The following ANO3 variants were observed in gnomAD, a reference collection of about 807,000 sequenced individuals.
The protein encoded by ANO3 is anoctamin 3, also known as anoctamin-3.
In ANO3, 99 loss-of-function variants were observed where a neutral mutation model predicts 144.8. The ratio of observed to expected loss-of-function variants is 0.68; its 90% CI spans 0.58 to 0.81. The LOEUF (loss-of-function observed/expected upper bound fraction) is 0.81. ANO3 is among the 30% of genes least tolerant of loss of function. The pLI is 0.00. For synonymous variants in ANO3, 414 were observed against 392.6 expected (o/e 1.05, Z -0.64); for missense variants, 905 against 1,202.2 (o/e 0.75, Z 3.66).
At chr11:26,570,704 A>G (rs1286930365) in intron 14 of ANO3, among the ~76,000 whole-genome samples, 1 of 152,122 alleles carries the variant, frequency 6.6e-6, no homozygotes, top group African/African-American at 2.4e-5. Flanking sequence ...ACAAATTAAG[A>G]CAGATGGGTT....
intron 1 of ANO3, among the ~76,000 whole-genome samples, chr11:26,244,116 G>GAAAAAAAAAAAAAAAAAAAAGA (rs755726181): frequency 1.1e-5 from 1 of 94,688 alleles, no homozygotes; most frequent in Non-Finnish European, 2.2e-5. Context: ...GACTCTGTCT[G>GAAAAAAAAAAAAAAAAAAAAGA]AAAAAAAAAA....
At chr11:26,330,374 T>C (rs2133886709), upstream of ANO3, among the ~76,000 whole-genome samples, 1 of 152,352 alleles carries the variant, frequency 6.6e-6, no homozygotes, top group South Asian at 2.1e-4. Flanking sequence ...AGACAGTCTC[T>C]GAACTGTGTT....
intron 18 of ANO3, among the ~76,000 whole-genome samples, chr11:26,628,189 G>T (rs1179548714): frequency 6.6e-6 from 1 of 151,894 alleles, no homozygotes; most frequent in Non-Finnish European, 1.5e-5. Context: ...CTATGTTAAA[G>T]ATAAATTGGG....
chr11:26,388,307 T>C (rs1856788075), intron 1 of ANO3, among the ~76,000 whole-genome samples: 1 of 151,928 alleles, frequency 6.6e-6, no homozygotes, highest in African/African-American at 2.4e-5. Context: ...AAAAGAAATA[T>C]TTTATATTTA....
chr11:26,526,855 T>C (rs61876953), intron 7 of ANO3, among the ~76,000 whole-genome samples: 297 of 152,218 alleles, frequency 2.0e-3, no homozygotes, highest in Non-Finnish European at 3.6e-3. Context: ...GGGTATTTGG[T>C]CCTGGTCTAT....
intron 1 of ANO3, among the ~76,000 whole-genome samples, chr11:26,288,684 C>A (rs1853864969): frequency 6.6e-6 from 1 of 152,106 alleles, no homozygotes; most frequent in African/African-American, 2.4e-5. Context: ...AAACCATTTT[C>A]TTCTTTTGAT....
intron 1 of ANO3, among the ~76,000 whole-genome samples, chr11:26,239,512 C>T (rs1852611470): frequency 6.6e-6 from 1 of 152,186 alleles, no homozygotes; most frequent in African/African-American, 2.4e-5. Flanking sequence ...GCAGCCCCTT[C>T]CAACAACACA....
intron 1 of ANO3, among the ~76,000 whole-genome samples, chr11:26,210,610 C>A (rs1208313027): frequency 6.6e-6 from 1 of 152,094 alleles, no homozygotes; most frequent in Non-Finnish European, 1.5e-5. Flanking sequence ...TCTTCCTATC[C>A]ATGAGCATGG....
chr11:26,440,218 C>A (rs761518294), intron 1 of ANO3, among the ~76,000 whole-genome samples: 2 of 152,080 alleles, frequency 1.3e-5, no homozygotes, highest in Non-Finnish European at 2.9e-5. Flanking sequence ...CATATGTATT[C>A]GTCTGTTTTC....
At chr11:26,373,026 A>G (rs1435930153) in intron 1 of ANO3, among the ~76,000 whole-genome samples, 1 of 152,168 alleles carries the variant, frequency 6.6e-6, no homozygotes, top group Non-Finnish European at 1.5e-5. Flanking sequence ...CTTTTGTCAC[A>G]TTGGTTTATT....
chr11:26,542,098 A>G, intron 11 of ANO3, 30 bp downstream of exon 11: 3 of 1,602,188 alleles, frequency 1.9e-6, no homozygotes, highest in Non-Finnish European at 2.6e-6. Context: ...AATGAAAAGC[A>G]AAGTATTCTG....
intron 1 of ANO3, among the ~76,000 whole-genome samples, chr11:26,232,912 C>T (rs999459564): frequency 2.6e-5 from 4 of 152,088 alleles, no homozygotes; most frequent in African/African-American, 4.8e-5. Context: ...CCATAATCTA[C>T]AAGGAACTTA....
At chr11:26,377,740 C>A (rs1258713071) in intron 1 of ANO3, among the ~76,000 whole-genome samples, 1 of 151,936 alleles carries the variant, frequency 6.6e-6, no homozygotes, top group African/African-American at 2.4e-5. Flanking sequence ...AGTAAAACTG[C>A]AGAATTTAAG....
intron 21 of ANO3, among the ~76,000 whole-genome samples, chr11:26,639,589 T>C (rs1191959935): frequency 6.6e-6 from 1 of 152,182 alleles, no homozygotes; most frequent in Non-Finnish European, 1.5e-5. Context: ...GGGTGTTTCT[T>C]TTGCTACCAG....
At chr11:26,568,866 T>C (rs777969865) in intron 14 of ANO3, among the ~76,000 whole-genome samples, 1 of 152,072 alleles carries the variant, frequency 6.6e-6, no homozygotes, top group Non-Finnish European at 1.5e-5. Flanking sequence ...AACATAATGC[T>C]CCTTTTCATT....
chr11:26,548,345 T>A (rs192232157), intron 12 of ANO3, among the ~76,000 whole-genome samples: 1 of 151,960 alleles, frequency 6.6e-6, no homozygotes, highest in Non-Finnish European at 1.5e-5. Context: ...CTTAACAGCA[T>A]GTTCTATTTA....
At chr11:26,211,501 C>T (rs1040335331) in intron 1 of ANO3, among the ~76,000 whole-genome samples, 1 of 152,084 alleles carries the variant, frequency 6.6e-6, no homozygotes, top group African/African-American at 2.4e-5. Flanking sequence ...GCAAATCAAA[C>T]CACAATGAGA....
chr11:26,368,119 G>C (rs1856144626), intron 1 of ANO3, among the ~76,000 whole-genome samples: 1 of 152,184 alleles, frequency 6.6e-6, no homozygotes, highest in Non-Finnish European at 1.5e-5. Context: ...AGATAGCATA[G>C]TCTCTATATT....
rs777208157 is a variant in ANO3, at chr11:26,553,380, T to G, written c.1386+35T>G. 4 of 1,461,014 alleles carry G rather than the reference T, an allele frequency of 2.7e-6. No individual in the cohort carries two copies. The South Asian group carries it at 4.8e-5, about 18-fold the overall frequency. 90.5% of individuals were successfully genotyped at this position (1,461,014 alleles called of 1,614,324 possible). A position where few individuals can be genotyped will look rare whatever the true frequency, so the allele number is the denominator to read the frequency against. ...GACCCTCACATTCTCCTCCCTGAGC[T>G]GTACTGAGAAGCAGGCTGTAAGAAG... On this transcript the variant is annotated intron_variant, in intron 13 of 26. Coordinates refer to ENST00000256737, the MANE Select transcript of ANO3 (RefSeq NM_031418.4).
Sources: allele counts gnomAD v4.1 joint callset (sites outside exome capture counted in the v4.1 genomes callset), GRCh38; gene constraint gnomAD v4.1.1; transcripts MANE v1.5; gene names NCBI Gene and HGNC (gene_info 2026-07-23, HGNC 2026-07-21).